The following SAMD3 variants were observed in gnomAD, a reference collection of about 807,000 sequenced individuals.
SAMD3 encodes sterile alpha motif domain-containing protein 3.
SAMD3 carries 63 observed loss-of-function variants against 58.5 expected under a neutral mutation model. That is an observed-to-expected ratio of 1.08 (90% CI 0.88 to 1.33). SAMD3 has a LOEUF of 1.33. Among genes scored for constraint, SAMD3 ranks in the 40% most tolerant of loss-of-function variants. The pLI, the probability that SAMD3 is intolerant of heterozygous loss-of-function variation, is 0.00. For missense variants in SAMD3, 604 were observed against 608.4 expected, an observed-to-expected ratio of 0.99 and a Z score of 0.08; for synonymous variants, 220 against 210.3, an observed-to-expected ratio of 1.05 and a Z score of -0.40.
At chr6:130,202,416 C>T (rs1794722922) in intron 5 of SAMD3, among the ~76,000 whole-genome samples, 1 of 152,190 alleles carries the variant, frequency 6.6e-6, no homozygotes, top group Non-Finnish European at 1.5e-5. Context: ...TTTCTCCTTA[C>T]ATTAGAAGGT....
intron 2 of SAMD3, among the ~76,000 whole-genome samples, chr6:130,230,816 T>C (rs928257870): frequency 1.3e-5 from 2 of 152,228 alleles, no homozygotes; most frequent in Non-Finnish European, 2.9e-5. Flanking sequence ...AGAACTCTTA[T>C]GAACATCTTG....
chr6:130,167,409 A>T (rs1790826419), intron 8 of SAMD3, among the ~76,000 whole-genome samples: 1 of 152,232 alleles, frequency 6.6e-6, no homozygotes, highest in African/African-American at 2.4e-5. Flanking sequence ...ATGTGCCATG[A>T]AGTGAGAAGT....
chr6:130,192,611 ACT>A (rs1793658459), intron 5 of SAMD3, among the ~76,000 whole-genome samples: 3 of 150,352 alleles, frequency 2.0e-5, no homozygotes, highest in African/African-American at 2.5e-5. Flanking sequence ...CCCTTCGCTG[ACT>A]CTCTTTTTGG....
At chr6:130,308,207 T>C (rs1214913445) in intron 2 of SAMD3, among the ~76,000 whole-genome samples, 2 of 152,126 alleles carry the variant, frequency 1.3e-5, no homozygotes, top group African/African-American at 4.8e-5. Flanking sequence ...TGTGCATGAC[T>C]AAGAAATTCC....
intron 2 of SAMD3, among the ~76,000 whole-genome samples, chr6:130,230,301 C>A (rs1350021500): frequency 6.6e-6 from 1 of 152,140 alleles, no homozygotes; most frequent in East Asian, 1.9e-4. Flanking sequence ...GGCAGGGGGA[C>A]TTTTTTGTGC....
At chr6:130,326,160 A>G (rs1265908102) in intron 1 of SAMD3, among the ~76,000 whole-genome samples, 1 of 152,112 alleles carries the variant, frequency 6.6e-6, no homozygotes, top group African/African-American at 2.4e-5. Context: ...TCTTATCTGG[A>G]CTACTGCAGT....
intron 1 of SAMD3, among the ~76,000 whole-genome samples, chr6:130,341,737 A>G (rs1207388927): frequency 6.6e-6 from 1 of 152,146 alleles, no homozygotes; most frequent in East Asian, 1.9e-4. Flanking sequence ...TTATTTTAGC[A>G]GATTGTTAAA....
At chr6:130,313,812 T>A (rs936865739) in intron 1 of SAMD3, among the ~76,000 whole-genome samples, 6 of 152,188 alleles carry the variant, frequency 3.9e-5, no homozygotes, top group Non-Finnish European at 7.3e-5. Flanking sequence ...TTTAAGTATT[T>A]CCAAGATTCA....
chr6:130,268,204 A>G lies in SAMD3; in HGVS notation c.-188+44774T>C, dbSNP rs1203348786. On this transcript the variant is annotated intron_variant, in intron 2 of 13. Transcript: ENST00000368134. ...AGTTTTTAACAAAAAGTAAAATATA[A>G]AAATAAAAAAATTTTAAAAATCGAA... Among the ~76,000 whole-genome samples, 3 of 152,312 alleles carry G rather than the reference A, an allele frequency of 2.0e-5. No individual in the cohort carries two copies. The East Asian group carries it at 5.8e-4, about 29-fold the overall frequency.
chr6:130,300,068 C>T (rs984984391), intron 2 of SAMD3, among the ~76,000 whole-genome samples: 1 of 152,054 alleles, frequency 6.6e-6, no homozygotes, highest in Non-Finnish European at 1.5e-5. Context: ...GAAAGTATTG[C>T]AAAAAATCAA....
At position 130,184,143 on chromosome 6, in the gene SAMD3, A is replaced by C. The variant is rs1313095555; in HGVS notation, c.614T>G (p.Leu205Arg). 1 of 1,614,010 alleles carries C rather than the reference A, an allele frequency of 6.2e-7. No homozygotes were observed. The highest frequency in any genetic ancestry group is 8.5e-7 in the Non-Finnish European group (1 of 1,179,976). The change falls in exon 7 of 12, where the codon CTG becomes CGG. Residue 205 changes from leucine (L) to arginine (R), a missense_variant. By Grantham distance (102) the Leu-to-Arg change is moderately radical. Transcript: ENST00000439090. The part of the protein sequence containing the change: ...QQYNDVVNAL[L>R]QAHPFLDEDG... ...CTCATCCAGGAAAGGGTGGGCCTGC[A>C]GCAGGGCATTAACCACGTCATTGTA...
intron 5 of SAMD3, among the ~76,000 whole-genome samples, chr6:130,191,000 T>C (rs1409105409): frequency 2.0e-5 from 3 of 151,796 alleles, no homozygotes; most frequent in African/African-American, 7.3e-5. Flanking sequence ...AAAAGTCCCA[T>C]AGTTTAAAGA....
chr6:130,215,156 C>T (rs769593824), intron 3 of SAMD3, 39 bp downstream of exon 3: 1 of 1,050,104 alleles, frequency 9.5e-7, no homozygotes, highest in South Asian at 1.3e-5. Flanking sequence ...AATATCTAGG[C>T]TGCTCAATTA....
chr6:130,271,023 G>GAAAAA (rs1774542752), intron 2 of SAMD3, among the ~76,000 whole-genome samples: 3 of 150,804 alleles, frequency 2.0e-5, no homozygotes, highest in African/African-American at 7.3e-5. Flanking sequence ...TTTTCCTTAG[G>GAAAAA]GTCTCACTCT....
chr6:130,308,518 A>T (rs11154569), intron 2 of SAMD3, among the ~76,000 whole-genome samples: 17,661 of 151,350 alleles, frequency 0.12, 1,157 homozygotes, highest in Admixed American at 0.15. Context: ...CCATCCTGGA[A>T]ATAGCATAAT....
intron 8 of SAMD3, among the ~76,000 whole-genome samples, chr6:130,163,988 A>G (rs367556118): frequency 2.6e-5 from 4 of 152,140 alleles, no homozygotes; most frequent in African/African-American, 9.7e-5. Context: ...TTAATAATTT[A>G]ACACCTGGTA....
chr6:130,155,804 C>G (rs546914530), intron 8 of SAMD3, among the ~76,000 whole-genome samples: 6 of 152,140 alleles, frequency 3.9e-5, no homozygotes, highest in Non-Finnish European at 8.8e-5. Context: ...ATAGGAAAGC[C>G]TCAGTAGATC....
At chr6:130,149,395 A>G (rs1336347056) in intron 9 of SAMD3, among the ~76,000 whole-genome samples, 3 of 152,262 alleles carry the variant, frequency 2.0e-5, no homozygotes, top group Non-Finnish European at 4.4e-5. Flanking sequence ...AAAGGAATAT[A>G]AAGAAAGACG....
At chr6:130,251,602 G>T (rs912437732) in intron 2 of SAMD3, among the ~76,000 whole-genome samples, 4 of 152,100 alleles carry the variant, frequency 2.6e-5, no homozygotes. Flanking sequence ...TTGGATGTTG[G>T]TCCAGCACAA....
Sources: gnomAD v4.1 joint callset for allele counts (sites outside exome capture counted in the v4.1 genomes callset) on GRCh38, gnomAD v4.1.1 for gene constraint, MANE v1.5 for transcripts, NCBI Gene and HGNC (gene_info 2026-07-23, HGNC 2026-07-21) for gene names.